The following BTRC variants were observed in gnomAD, a reference collection of about 807,000 sequenced individuals.
The protein encoded by BTRC is F-box/WD repeat-containing protein 1A.
In BTRC, 42 loss-of-function variants were observed where a neutral mutation model predicts 85.5. The observed-to-expected ratio is 0.49, with a 90% CI of 0.38 to 0.64. BTRC has a LOEUF of 0.64. Ranked by LOEUF, BTRC falls within the 30% of genes least tolerant of loss-of-function variation. BTRC has a pLI of 0.00. For synonymous variants in BTRC, 255 were observed against 263.3 expected, an observed-to-expected ratio of 0.97 and a Z score of 0.30; for missense variants, 594 against 743.5, an observed-to-expected ratio of 0.80 and a Z score of 2.34.
In BTRC at chr10:101,398,309, T is replaced by C. The variant is rs190639536; in HGVS notation, c.49-32036T>C. 4.9e-3 allele frequency among the ~76,000 whole-genome samples: 741 copies of C among 152,296 alleles called. 8 individuals are homozygous for C. Among genetic ancestry groups the C allele is most frequent in the African/African-American group, 0.017 (697 of 41,560 alleles). On this transcript the variant is annotated intron_variant, in intron 1 of 14. Transcript: ENST00000370187. ...GTTGAAAATTTCTTTTTTTCTTTTT[T>C]TCTTTTTTTGTTTTTTTGAGACGGA... is the stretch of plus-strand genomic sequence containing the variant.
rs1215687570 is a variant in BTRC at position 101,535,392 on chromosome 10, A to T, written c.1386A>T (p.Leu462Phe). ...GTACTTGTGAATTTGTAAGGACCTT[A>T]AATGGACACAAACGAGGCATTGCCT... is the stretch of plus-strand genomic sequence containing the variant. ...NTSTCEFVRT[L>F]NGHKRGIACL... The change falls in exon 11 of 15, where the codon TTA becomes TTT. Residue 462 changes from leucine to phenylalanine, a missense_variant. Physicochemically the swap from Leu to Phe is conservative, Grantham distance 22. Around this residue, in one of 4 missense-constraint regions of BTRC, gnomAD observed 373 missense variants for 503.6 expected, o/e 0.74. Transcript: ENST00000370187. 6.2e-7 allele frequency: 1 copy of T among 1,614,004 alleles called. No homozygotes were observed. The highest frequency in any genetic ancestry group is 8.5e-7 in the Non-Finnish European group (1 of 1,180,008).
chr10:101,409,305 A>G (rs1480745860), intron 1 of BTRC, among the ~76,000 whole-genome samples: 1 of 152,220 alleles, frequency 6.6e-6, no homozygotes, highest in Non-Finnish European at 1.5e-5. Flanking sequence ...TGGACATTTC[A>G]TATAAATGGA....
At chr10:101,465,318 T>C (rs1016087238) in intron 3 of BTRC, among the ~76,000 whole-genome samples, 1 of 152,236 alleles carries the variant, frequency 6.6e-6, no homozygotes, top group Non-Finnish European at 1.5e-5. Context: ...ACTAATATTA[T>C]AGTTGACATA....
At chr10:101,552,088 ACT>A (rs568465099) in intron 14 of BTRC, among the ~76,000 whole-genome samples, 5 of 149,246 alleles carry the variant, frequency 3.4e-5, no homozygotes, top group African/African-American at 5.0e-5. Context: ...ATTCTTCCTG[ACT>A]CTCTGATTAT....
At chr10:101,368,793 T>C (rs1590210054) in intron 1 of BTRC, among the ~76,000 whole-genome samples, 1 of 152,146 alleles carries the variant, frequency 6.6e-6, no homozygotes. Flanking sequence ...CTGGGGCAGG[T>C]AGATCGCTTG....
intron 14 of BTRC, 42 bp from the exon 15 acceptor site, chr10:101,553,113 T>C (rs190612023): frequency 1.0e-3 from 160 of 152,690 alleles, no homozygotes; most frequent in Non-Finnish European, 1.9e-3. Context: ...GTAAGAAATA[T>C]CAAAAAAGGG....
rs142039032 is a variant in BTRC, at chr10:101,414,340, G to A, written c.49-16005G>A. On this transcript the variant is annotated intron_variant, in intron 1 of 14. Transcript: ENST00000370187. ...CTAGTGACATTGTAGCCAATGTAACGTCATATAATGCAAGGCATTATTCAG... is the reference window on the plus strand; with the variant it reads ...CTAGTGACATTGTAGCCAATGTAACATCATATAATGCAAGGCATTATTCAG... Among the ~76,000 whole-genome samples the A allele has an allele frequency of 9.2e-3, 1,407 of 152,222 alleles. 12 individuals are homozygous for A. The highest frequency in any genetic ancestry group is 0.015 in the South Asian group (70 of 4,820).
At chr10:101,442,073 A>G (rs1328090326) in intron 2 of BTRC, among the ~76,000 whole-genome samples, 1 of 152,170 alleles carries the variant, frequency 6.6e-6, no homozygotes, top group African/African-American at 2.4e-5. Context: ...CCAGAAAAGC[A>G]TAGAAAAGCA....
chr10:101,427,306 T>G (rs1186833525), intron 1 of BTRC, among the ~76,000 whole-genome samples: 1 of 151,552 alleles, frequency 6.6e-6, no homozygotes, highest in Non-Finnish European at 1.5e-5. Flanking sequence ...TTAGTAGAGA[T>G]GGGGTTTCAC....
intron 3 of BTRC, among the ~76,000 whole-genome samples, chr10:101,466,361 G>A (rs2134184045): frequency 6.6e-6 from 1 of 152,306 alleles, no homozygotes; most frequent in Non-Finnish European, 1.5e-5. Flanking sequence ...TTTCTCTTGT[G>A]TAGCTGGAAC....
At chr10:101,425,466 C>G (rs1197702051) in intron 1 of BTRC, among the ~76,000 whole-genome samples, 1 of 152,068 alleles carries the variant, frequency 6.6e-6, no homozygotes, top group Non-Finnish European at 1.5e-5. Flanking sequence ...ATGTGCTGTG[C>G]AGGGCTGGAT....
chr10:101,514,295 A>G (rs935355898), intron 4 of BTRC, among the ~76,000 whole-genome samples: 2 of 152,126 alleles, frequency 1.3e-5, no homozygotes, highest in African/African-American at 4.8e-5. Flanking sequence ...TGCCTATTCC[A>G]AGAACGTCAA....
intron 1 of BTRC, among the ~76,000 whole-genome samples, chr10:101,416,820 C>G (rs1943958289): frequency 6.6e-6 from 1 of 152,110 alleles, no homozygotes; most frequent in South Asian, 2.1e-4. Context: ...TAGTTGTTCT[C>G]TCTCTCATGG....
At chr10:101,423,185 A>G (rs901199001) in intron 1 of BTRC, among the ~76,000 whole-genome samples, 2 of 152,086 alleles carry the variant, frequency 1.3e-5, no homozygotes, top group Admixed American at 1.3e-4. Flanking sequence ...AAGTGGTGGG[A>G]TTATACACAT....
At chr10:101,366,685 G>A (rs1342803226) in intron 1 of BTRC, among the ~76,000 whole-genome samples, 4 of 144,716 alleles carry the variant, frequency 2.8e-5, no homozygotes, top group Non-Finnish European at 5.9e-5. Flanking sequence ...GTGAGTTATA[G>A]GTGGGTAGAT....
At chr10:101,395,915 G>A (rs1280170789) in intron 1 of BTRC, among the ~76,000 whole-genome samples, 1 of 151,776 alleles carries the variant, frequency 6.6e-6, no homozygotes, top group Non-Finnish European at 1.5e-5. Context: ...TGTTTTGTTT[G>A]TAAGCGACAA....
chr10:101,381,290 T>C (rs1942922570), intron 1 of BTRC, among the ~76,000 whole-genome samples: 1 of 152,136 alleles, frequency 6.6e-6, no homozygotes, highest in South Asian at 2.1e-4. Context: ...CACAGACAGG[T>C]TGTTACTTTT....
chr10:101,429,000 C>T (rs1316364843), intron 1 of BTRC, among the ~76,000 whole-genome samples: 2 of 152,116 alleles, frequency 1.3e-5, no homozygotes, highest in Non-Finnish European at 2.9e-5. Context: ...ATGGTGTAAA[C>T]AGTGAATACC....
At chr10:101,429,226 A>T (rs1169475459) in intron 1 of BTRC, among the ~76,000 whole-genome samples, 1 of 152,116 alleles carries the variant, frequency 6.6e-6, no homozygotes, top group African/African-American at 2.4e-5. Context: ...ACTCAAGTTG[A>T]TGGATAAAAT....
Sources: allele counts gnomAD v4.1 joint callset (sites outside exome capture counted in the v4.1 genomes callset), GRCh38; gene constraint gnomAD v4.1.1; regional missense constraint gnomAD v4.1.1; transcripts MANE v1.5; gene names NCBI Gene and HGNC (gene_info 2026-07-23, HGNC 2026-07-21).